The following CLSTN1 variants were observed in gnomAD, a reference collection of about 807,000 sequenced individuals.
The protein encoded by CLSTN1 is calsyntenin 1.
A neutral mutation model predicts 108.3 loss-of-function variants in CLSTN1; 28 were observed. The observed-to-expected ratio is 0.26, with a 90% CI of 0.19 to 0.35. CLSTN1 has a LOEUF of 0.35. CLSTN1 is among the 10% of genes least tolerant of loss of function. The pLI is 1.00. For missense variants in CLSTN1, 1,157 were observed against 1,302.6 expected (o/e 0.89, Z 1.72); for synonymous variants, 524 against 534.9 (o/e 0.98, Z 0.28).
chr1:9,812,955 G>C (rs988838416), intron 1 of CLSTN1, among the ~76,000 whole-genome samples: 1 of 151,918 alleles, frequency 6.6e-6, no homozygotes, highest in Non-Finnish European at 1.5e-5. Context: ...CTTGAGGTCA[G>C]GAGCTCAAGA....
At chr1:9,821,676 G>A (rs1655196241) in intron 1 of CLSTN1, among the ~76,000 whole-genome samples, 2 of 152,124 alleles carry the variant, frequency 1.3e-5, no homozygotes. Context: ...AGCCCACAGA[G>A]TGTCTCCAAA....
intron 1 of CLSTN1, among the ~76,000 whole-genome samples, chr1:9,795,230 ATC>A (rs1381113053): frequency 1.1e-4 from 17 of 149,184 alleles, no homozygotes; most frequent in Admixed American, 7.6e-4. Context: ...CAGTGGCCCG[ATC>A]TCGGCTCACT....
intron 8 of CLSTN1, 66 bp downstream of exon 8, chr1:9,744,329 C>G: frequency 2.6e-6 from 4 of 1,536,616 alleles, no homozygotes; most frequent in Non-Finnish European, 3.5e-6. Flanking sequence ...GGAGAGGGAG[C>G]CTGCCGCTGG....
intron 1 of CLSTN1, among the ~76,000 whole-genome samples, chr1:9,788,880 A>AC (rs964562373): frequency 5.3e-5 from 8 of 151,122 alleles, no homozygotes; most frequent in African/African-American, 1.4e-4. Context: ...AAAAAAAAAA[A>AC]AAAAAAAACA....
chr1:9,782,117 T>TA (rs768382528), intron 1 of CLSTN1, among the ~76,000 whole-genome samples: 11 of 152,206 alleles, frequency 7.2e-5, no homozygotes, highest in Non-Finnish European at 7.3e-5. Flanking sequence ...AAAGAATACT[T>TA]AGTTTTTTAA....
chr1:9,737,356 T>TGGGGAAGCGCAATGC, intron 11 of CLSTN1, 142 bp downstream of exon 11: 1 of 755,288 alleles, frequency 1.3e-6, no homozygotes, highest in Non-Finnish European at 2.4e-6. Context: ...CATGAAGCAA[T>TGGGGAAGCGCAATGC]GGGGAAGCGC....
chr1:9,776,882 C>G (rs937157646), intron 1 of CLSTN1, among the ~76,000 whole-genome samples: 14 of 149,496 alleles, frequency 9.4e-5, no homozygotes, highest in Non-Finnish European at 1.5e-4. Context: ...ATCTATCTAT[C>G]TATCTATCTA....
intron 1 of CLSTN1, among the ~76,000 whole-genome samples, chr1:9,790,700 G>A (rs559370656): frequency 1.1e-4 from 17 of 151,464 alleles, no homozygotes; most frequent in Middle Eastern, 3.4e-3. Context: ...GTCAGGCGCC[G>A]TGGACTCCCT....
At chr1:9,800,400 C>T (rs764287222) in intron 1 of CLSTN1, among the ~76,000 whole-genome samples, 4 of 151,292 alleles carry the variant, frequency 2.6e-5, no homozygotes, top group Non-Finnish European at 4.4e-5. Flanking sequence ...ACAGGAACAC[C>T]GCTATAAGAC....
At chr1:9,739,382 A>T (rs534082053) in intron 10 of CLSTN1, among the ~76,000 whole-genome samples, 1 of 152,316 alleles carries the variant, frequency 6.6e-6, no homozygotes, top group South Asian at 2.1e-4. Flanking sequence ...ATAAAGTACC[A>T]CTGGTGTTAC....
At position 9,741,074 on chromosome 1, in the gene CLSTN1, CG is replaced by C. The variant is rs756574507; in HGVS notation, c.1519+19del. ...TACAACTTAATTCTCGAGTCGAGGG[CG>C]GGGGGTAATGACAGGTACCTTGCCA... On this transcript the variant is annotated intron_variant, in intron 10 of 18. Transcript: ENST00000377298. 6 of 1,606,568 alleles carry C rather than the reference CG, an allele frequency of 3.7e-6. No individual in the cohort carries two copies. The highest frequency in any genetic ancestry group is 2.2e-5 in the South Asian group (2 of 90,840).
chr1:9,787,200 C>T (rs1653536919), intron 1 of CLSTN1, among the ~76,000 whole-genome samples: 1 of 151,026 alleles, frequency 6.6e-6, no homozygotes, highest in African/African-American at 2.4e-5. Context: ...CTTCTGTTTC[C>T]CCCTTCTTCC....
In CLSTN1 at chr1:9,741,311, A is replaced by G. The variant is rs1650974376; in HGVS notation, c.1357-55T>C. 1.3e-5 allele frequency: 20 copies of G among 1,537,470 alleles called. No homozygotes were observed. In the South Asian group the frequency reaches 2.4e-4, roughly 18 times the overall value. ...TGAGATGTCCACTTTCCTTCTCATCAATGCCCATGGAAACCAAGTCACCCA... is the reference window on the plus strand; with the variant it reads ...TGAGATGTCCACTTTCCTTCTCATCGATGCCCATGGAAACCAAGTCACCCA... On this transcript the variant is annotated intron_variant, in intron 9 of 18. Coordinates refer to ENST00000377298, the MANE Select transcript of CLSTN1 (RefSeq NM_001009566.3).
chr1:9,757,310 C>T (rs1651863892), intron 2 of CLSTN1, among the ~76,000 whole-genome samples: 2 of 149,350 alleles, frequency 1.3e-5, no homozygotes, highest in Non-Finnish European at 3.0e-5. Flanking sequence ...GGCGTGATCT[C>T]GGCTCACTGC....
chr1:9,803,214 G>T (rs1654360446), intron 1 of CLSTN1, among the ~76,000 whole-genome samples: 3 of 152,106 alleles, frequency 2.0e-5, no homozygotes, highest in African/African-American at 7.2e-5. Context: ...TAAAAGCAAA[G>T]GATTCTATCA....
At chr1:9,746,665 G>A (rs565595011) in intron 7 of CLSTN1, among the ~76,000 whole-genome samples, 1 of 151,744 alleles carries the variant, frequency 6.6e-6, no homozygotes, top group South Asian at 2.1e-4. Context: ...AGTGAGCCAA[G>A]ATAGCACGAT....
Position 9,746,912 on chromosome 1 carries a change from G to A in CLSTN1, c.986-2269C>T, listed in dbSNP as rs908671394. Among the ~76,000 whole-genome samples, 133 of 152,100 alleles carry A rather than the reference G, an allele frequency of 8.7e-4. 1 individual carries two copies. Among genetic ancestry groups the A allele is most frequent in the African/African-American group, 2.9e-3 (121 of 41,502 alleles). ...ACCTGGAGTAAGGCCAGGCGCAGTG[G>A]CTCATGCATATAATCCCAGCACTTT... On this transcript the variant is annotated intron_variant, in intron 7 of 18. Transcript: ENST00000377298.
In CLSTN1 at chr1:9,823,615, A is replaced by G; in HGVS notation, c.91+28T>C. The G allele has an allele frequency of 8.5e-7, 1 of 1,175,982 alleles. No homozygotes were observed. Among genetic ancestry groups the G allele is most frequent in the Non-Finnish European group, 1.1e-6 (1 of 949,658 alleles). The allele number at this position is 1,175,982 out of a possible 1,614,324, so 72.8% of individuals were successfully genotyped here. On this transcript the variant is annotated intron_variant, in intron 1 of 18. Transcript: ENST00000377298. The surrounding 1 kb of genome is among the most constrained non-coding windows in gnomAD (Gnocchi z 6.3). ...CCGGACCCGAATCCCGCACCGACCCAGCGGCCCGGCCCAGCCCCGGGGCTT... is the reference window on the plus strand; with the variant it reads ...CCGGACCCGAATCCCGCACCGACCCGGCGGCCCGGCCCAGCCCCGGGGCTT...
At chr1:9,784,135 G>A (rs1049563806) in intron 1 of CLSTN1, among the ~76,000 whole-genome samples, 24 of 146,324 alleles carry the variant, frequency 1.6e-4, no homozygotes, top group African/African-American at 5.9e-4. Context: ...TTGCGCCACT[G>A]CACTCCAGCC....
Sources: allele counts gnomAD v4.1 joint callset (sites outside exome capture counted in the v4.1 genomes callset), GRCh38; gene constraint gnomAD v4.1.1; non-coding constraint Gnocchi (gnomAD v3.1); transcripts MANE v1.5; gene names NCBI Gene and HGNC (gene_info 2026-07-23, HGNC 2026-07-21).